The following NTSR1 variants were observed in gnomAD, a reference collection of about 807,000 sequenced individuals.
NTSR1 encodes neurotensin receptor type 1.
Under a neutral mutation model 31.2 loss-of-function variants are expected in NTSR1, and 29 were observed. The ratio of observed to expected loss-of-function variants is 0.93; its 90% CI spans 0.69 to 1.27. The LOEUF is 1.27. NTSR1 is among the 50% of genes most tolerant of loss of function. NTSR1 has a pLI of 0.00. For missense variants in NTSR1, 697 were observed against 595.4 expected (o/e 1.17, Z -1.78); for synonymous variants, 282 against 269.9 (o/e 1.04, Z -0.44).
At chr20:62,757,264 G>T (rs1020148385) in intron 2 of NTSR1, among the ~76,000 whole-genome samples, 3 of 152,200 alleles carry the variant, frequency 2.0e-5, no homozygotes, top group African/African-American at 4.8e-5. Context: ...GGTGTGAGGG[G>T]AGGATCCACC....
intron 1 of NTSR1, among the ~76,000 whole-genome samples, chr20:62,746,666 G>A (rs1989305783): frequency 6.6e-6 from 1 of 152,102 alleles, no homozygotes; most frequent in Non-Finnish European, 1.5e-5. Context: ...GGACAGCCTG[G>A]AAAAAATGGA....
chr20:62,727,701 G>A (rs1214557714), intron 1 of NTSR1, among the ~76,000 whole-genome samples: 1 of 152,262 alleles, frequency 6.6e-6, no homozygotes, highest in Non-Finnish European at 1.5e-5. Flanking sequence ...ACCTGTGTCT[G>A]GCGTGGTGGC....
At chr20:62,738,712 C>T (rs1020914072) in intron 1 of NTSR1, among the ~76,000 whole-genome samples, 5 of 152,222 alleles carry the variant, frequency 3.3e-5, no homozygotes, top group South Asian at 2.1e-4. Context: ...GGCAGGAACC[C>T]GGGCTGGAGG....
In NTSR1 at chr20:62,758,027, GGTCTCTGAGCCCATGTCCT is replaced by G; in HGVS notation, c.917-225_917-207del. 2.0e-5 allele frequency among the ~76,000 whole-genome samples: 3 copies of G among 149,888 alleles called. No individual in the cohort carries two copies. Among genetic ancestry groups the G allele is most frequent in the African/African-American group, 7.4e-5 (3 of 40,388 alleles). On this transcript the variant is annotated intron_variant, in intron 2 of 3. Coordinates refer to ENST00000370501, the MANE Select transcript of NTSR1 (RefSeq NM_002531.3). The surrounding 1 kb of genome is among the most constrained non-coding windows in gnomAD (Gnocchi z 4.5). ...ACGTCTCTGTGCCTCAGGTGCAGTG[GGTCTCTGAGCCCATGTCCT>G]GTCTCTGAGCCCACGTCTCTGTGCC...
At chr20:62,722,245 A>T (rs1468179579) in intron 1 of NTSR1, among the ~76,000 whole-genome samples, 1 of 152,150 alleles carries the variant, frequency 6.6e-6, no homozygotes. Context: ...GCATTTTCCA[A>T]TATCCCTTCT....
rs567845010 is a variant in NTSR1 at position 62,714,693 on chromosome 20, G to A, written c.714+4772G>A. On this transcript the variant is annotated intron_variant, in intron 1 of 3. Transcript: ENST00000370501. This position sits in a 1 kb window ranked among gnomAD's most constrained non-coding sequence, Gnocchi z 4.1. ...CAAATGTACCATTAGGATGCAGCCAGCAAAACCCAGACCACAAGAAACAGC... is the reference window on the plus strand; with the variant it reads ...CAAATGTACCATTAGGATGCAGCCAACAAAACCCAGACCACAAGAAACAGC... 3.0e-4 allele frequency among the ~76,000 whole-genome samples: 45 copies of A among 152,286 alleles called. No homozygotes were observed. Among genetic ancestry groups the A allele is most frequent in the African/African-American group, 1.1e-3 (44 of 41,558 alleles).
rs776542532 is a variant in NTSR1 at position 62,743,834 on chromosome 20, G to C, written c.715-10851G>C. On this transcript the variant is annotated intron_variant, in intron 1 of 3. Transcript: ENST00000370501. This position sits in a 1 kb window ranked among gnomAD's most constrained non-coding sequence, Gnocchi z 7.5. ...GTGAGAACGCCCTGCCTGAGGTCGA[G>C]GGGCTGAGGCCGGCTGTCTGGAGCC... Among the ~76,000 whole-genome samples the C allele has an allele frequency of 6.6e-6, 1 of 152,216 alleles. No individual in the cohort carries two copies. The highest frequency in any genetic ancestry group is 1.5e-5 in the Non-Finnish European group (1 of 68,038).
At position 62,715,348 on chromosome 20, in the gene NTSR1, C is replaced by G. The variant is rs962579781; in HGVS notation, c.714+5427C>G. Among the ~76,000 whole-genome samples, 1 of 152,136 alleles carries G rather than the reference C, an allele frequency of 6.6e-6. No homozygotes were observed. The highest frequency in any genetic ancestry group is 1.5e-5 in the Non-Finnish European group (1 of 68,024). On this transcript the variant is annotated intron_variant, in intron 1 of 3. Coordinates refer to ENST00000370501, the MANE Select transcript of NTSR1 (RefSeq NM_002531.3). The surrounding 1 kb of genome is among the most constrained non-coding windows in gnomAD (Gnocchi z 4.7). ...GGTCCACCTCTGTACCCCGTAACCC[C>G]GTTTCCCAGATGAAGCAGAGGGCAG...
rs372741775 is a variant in NTSR1, at chr20:62,744,070, A to G, written c.715-10615A>G. On this transcript the variant is annotated intron_variant, in intron 1 of 3. Coordinates refer to ENST00000370501, the MANE Select transcript of NTSR1 (RefSeq NM_002531.3). The surrounding 1 kb of genome is among the most constrained non-coding windows in gnomAD (Gnocchi z 4.1). ...TCCGTCCTCCCCATCAAAATTACAC[A>G]TGCGAGGGGGCAGAGGCCAGGCTGT... Among the ~76,000 whole-genome samples, 7 of 152,182 alleles carry G rather than the reference A, an allele frequency of 4.6e-5. No homozygotes were observed. The highest frequency in any genetic ancestry group is 1.9e-4 in the East Asian group (1 of 5,174).
chr20:62,760,361 GT>G lies in NTSR1; in HGVS notation c.*95del, dbSNP rs1399645531. Reference sequence around the variant, plus strand: ...CCCCCACCCGGGAGCCTTGATGGGGGTCAGGCAGAGGCCAGCCTGCACTGGA... The same window carrying G: ...CCCCCACCCGGGAGCCTTGATGGGGGCAGGCAGAGGCCAGCCTGCACTGGA... On this transcript the variant is annotated 3_prime_UTR_variant, in exon 4 of 4. Transcript: ENST00000370501. 4 of 1,428,016 alleles carry G rather than the reference GT, an allele frequency of 2.8e-6. No individual in the cohort carries two copies. The highest frequency in any genetic ancestry group is 1.4e-5 in the African/African-American group (1 of 70,320). The allele number at this position is 1,428,016 out of a possible 1,614,324, so 88.5% of individuals were successfully genotyped here.
At position 62,760,169 on chromosome 20, in the gene NTSR1, C is replaced by T. The variant is rs140834874; in HGVS notation, c.1159C>T (p.Arg387Trp). The change falls in exon 4 of 4, where the codon CGG becomes TGG. Residue 387 changes from arginine (R) to tryptophan (W), a missense_variant. Arg to Trp is a moderately radical substitution (Grantham distance 101, BLOSUM62 -3). Transcript: ENST00000370501. ...ACTGGCCTGCCTCTGCCCGGTGTGG[C>T]GGCGCAGGAGGAAGAGGCCAGCCTT... Reference protein sequence around the residue: ...ATLACLCPVWRRRRKRPAFSR... With the variant: ...ATLACLCPVWWRRRKRPAFSR... 2.3e-4 allele frequency: 371 copies of T among 1,614,082 alleles called. 1 individual carries two copies. The highest frequency in any genetic ancestry group is 2.9e-4 in the Non-Finnish European group (337 of 1,180,030).
chr20:62,745,175 C>T lies in NTSR1; in HGVS notation c.715-9510C>T, dbSNP rs542937214. Among the ~76,000 whole-genome samples the T allele has an allele frequency of 2.0e-5, 3 of 152,266 alleles. No homozygotes were observed. Among genetic ancestry groups the T allele is most frequent in the Middle Eastern group, 3.4e-3 (1 of 294 alleles). ...CCTGCCACCTGAGGATGTTGGTACACACACCAGACTCAGAGGGAGACCCAG... is the reference window on the plus strand; with the variant it reads ...CCTGCCACCTGAGGATGTTGGTACATACACCAGACTCAGAGGGAGACCCAG... On this transcript the variant is annotated intron_variant, in intron 1 of 3. Coordinates refer to ENST00000370501, the MANE Select transcript of NTSR1 (RefSeq NM_002531.3). This position sits in a 1 kb window ranked among gnomAD's most constrained non-coding sequence, Gnocchi z 4.1.
intron 1 of NTSR1, among the ~76,000 whole-genome samples, chr20:62,740,233 G>A (rs1446781885): frequency 6.6e-6 from 1 of 152,224 alleles, no homozygotes; most frequent in Non-Finnish European, 1.5e-5. Flanking sequence ...AAGTATGAAC[G>A]AAAGCCTCAG....
rs1205627347 is a variant in NTSR1, at chr20:62,743,223, C to T, written c.715-11462C>T. Among the ~76,000 whole-genome samples the T allele has an allele frequency of 6.7e-6, 1 of 149,402 alleles. No individual in the cohort carries two copies. The highest frequency in any genetic ancestry group is 2.5e-5 in the African/African-American group (1 of 39,916). ...TGAGTGCCCCGTGGTGTGGGTGCGT[C>T]ATGCCATGGCGACCAGCCCCAAAGG... On this transcript the variant is annotated intron_variant, in intron 1 of 3. Coordinates refer to ENST00000370501, the MANE Select transcript of NTSR1 (RefSeq NM_002531.3). The surrounding 1 kb of genome is among the most constrained non-coding windows in gnomAD (Gnocchi z 7.5).
intron 1 of NTSR1, among the ~76,000 whole-genome samples, chr20:62,718,972 G>A (rs552131636): frequency 6.6e-6 from 1 of 152,202 alleles, no homozygotes; most frequent in African/African-American, 2.4e-5. Context: ...CCTCACCCTA[G>A]CCTTAACCCA....
At position 62,732,873 on chromosome 20, in the gene NTSR1, C is replaced by G. The variant is rs1397464081; in HGVS notation, c.715-21812C>G. Reference sequence around the variant, plus strand: ...GGTTCCCCATCTGACCCTCCGCTTGCTTTTCCTCGGGCTCTCCCTGCCTGG... The same window carrying G: ...GGTTCCCCATCTGACCCTCCGCTTGGTTTTCCTCGGGCTCTCCCTGCCTGG... On this transcript the variant is annotated intron_variant, in intron 1 of 3. Coordinates refer to ENST00000370501, the MANE Select transcript of NTSR1 (RefSeq NM_002531.3). The surrounding 1 kb of genome is among the most constrained non-coding windows in gnomAD (Gnocchi z 4.0). The G allele has an allele frequency of 2.6e-5, 4 of 152,222 alleles. No individual in the cohort carries two copies. The highest frequency in any genetic ancestry group is 4.4e-5 in the Non-Finnish European group (3 of 68,056). The allele number at this position is 152,222 out of a possible 1,614,324, so 9.4% of individuals were successfully genotyped here.
At position 62,714,514 on chromosome 20, in the gene NTSR1, G is replaced by T. The variant is rs1988675959; in HGVS notation, c.714+4593G>T. ...TGGATGTAGGCATGGATTCTTGACA[G>T]CTGCTGGGGTCACGAAGGGGAGAGA... On this transcript the variant is annotated intron_variant, in intron 1 of 3. Transcript: ENST00000370501. This position sits in a 1 kb window ranked among gnomAD's most constrained non-coding sequence, Gnocchi z 4.1. 6.6e-6 allele frequency among the ~76,000 whole-genome samples: 1 copy of T among 152,338 alleles called. No individual in the cohort carries two copies. Among genetic ancestry groups the T allele is most frequent in the East Asian group, 1.9e-4 (1 of 5,182 alleles).
chr20:62,750,302 G>A (rs1023230577), intron 1 of NTSR1, among the ~76,000 whole-genome samples: 3 of 152,218 alleles, frequency 2.0e-5, no homozygotes, highest in Non-Finnish European at 4.4e-5. Context: ...GGGGAACGAG[G>A]AATGGGGAGA....
Position 62,754,921 on chromosome 20 carries a change from C to T in NTSR1, c.916+35C>T, listed in dbSNP as rs747762694. On this transcript the variant is annotated intron_variant, in intron 2 of 3. Transcript: ENST00000370501. ...CTCTGGGCCCTCCAGGGGCGGGAGG[C>T]AGGCCAGGGCTAGCAAAGGCAGCGA... 2.5e-5 allele frequency: 38 copies of T among 1,539,382 alleles called. No individual in the cohort carries two copies. In the South Asian group the frequency reaches 3.8e-4, roughly 16 times the overall value.
Sources: allele counts gnomAD v4.1 joint callset (sites outside exome capture counted in the v4.1 genomes callset), GRCh38; gene constraint gnomAD v4.1.1; non-coding constraint Gnocchi (gnomAD v3.1); transcripts MANE v1.5; gene names NCBI Gene and HGNC (gene_info 2026-07-23, HGNC 2026-07-21).